SRD5A1: variants seen among roughly 807,000 people sequenced by gnomAD.
SRD5A1 encodes the protein steroid 5 alpha-reductase 1.
In SRD5A1, 22 loss-of-function variants were observed where a neutral mutation model predicts 28.2. The ratio of observed to expected loss-of-function variants is 0.78; its 90% CI spans 0.56 to 1.12. The LOEUF (loss-of-function observed/expected upper bound fraction) is 1.12. SRD5A1 is among the 50% of genes most tolerant of loss of function. The pLI is 0.00. For synonymous variants in SRD5A1, 151 were observed against 135.0 expected (o/e 1.12, Z -0.82); for missense variants, 300 against 346.7 (o/e 0.87, Z 1.07).
intron 2 of SRD5A1, 139 bp downstream of exon 2, chr5:6,652,147 A>G (rs1738696542): frequency 1.0e-6 from 1 of 955,854 alleles, no homozygotes; most frequent in Admixed American, 3.1e-5. Context: ...CCGGAGTCCC[A>G]TGGGAGAGCC....
intron 1 of SRD5A1, among the ~76,000 whole-genome samples, chr5:6,640,191 T>C (rs539021326): frequency 6.6e-6 from 1 of 152,342 alleles, no homozygotes; most frequent in East Asian, 1.9e-4. Context: ...TGTCACCATA[T>C]TCCTGTGAGC....
In SRD5A1 at chr5:6,666,370, G is replaced by C. The variant is rs8192244; in HGVS notation, c.714-1832G>C. Among the ~76,000 whole-genome samples, 8 of 152,252 alleles carry C rather than the reference G, an allele frequency of 5.3e-5. No homozygotes were observed. In the East Asian group the frequency reaches 1.4e-3, roughly 26 times the overall value. On this transcript the variant is annotated intron_variant, in intron 4 of 4. Transcript: ENST00000274192. ...TCACCGTGTCAGCCAGGATGGTCTT[G>C]ATCTCCTGACCTCGTGATTTGCCCG...
chr5:6,670,559 C>T lies in SRD5A1; in HGVS notation c.*2291C>T. ...GCGGTGCATGCATTTGTGCATTCAA[C>T]AACATTTGCCAAGCACTTACTGTAT... On this transcript the variant is annotated 3_prime_UTR_variant, in exon 5 of 5. Coordinates refer to ENST00000274192, the MANE Select transcript of SRD5A1 (RefSeq NM_001047.4). 1 of 152,250 alleles carries T rather than the reference C, an allele frequency of 6.6e-6. No homozygotes were observed. The highest frequency in any genetic ancestry group is 1.9e-4 in the East Asian group (1 of 5,194). 9.4% of individuals were successfully genotyped at this position (152,250 alleles called of 1,614,324 possible).
At position 6,633,532 on chromosome 5, in the gene SRD5A1, C is replaced by A. The variant is rs1738045712; in HGVS notation, c.-45C>A. On this transcript the variant is annotated 5_prime_UTR_variant, in exon 1 of 5. Transcript: ENST00000274192. The stretch of plus-strand genomic sequence containing the variant: ...CCCGCGCCGCCGCCCTATATGTTGC[C>A]CGCCGCGGCCTCTGGGGCATGGAGC... The A allele has an allele frequency of 1.4e-6, 2 of 1,428,182 alleles. No homozygotes were observed. The highest frequency in any genetic ancestry group is 3.0e-5 in the African/African-American group (2 of 66,702). 88.5% of individuals were successfully genotyped at this position (1,428,182 alleles called of 1,614,324 possible).
rs1465916821 is a variant in SRD5A1 at position 6,669,382 on chromosome 5, A to G, written c.*1114A>G. The stretch of plus-strand genomic sequence containing the variant: ...AGCCTGTACCTGTTATCAATATAAA[A>G]TAATCTTCCTGTTGAATGCTTCATG... On this transcript the variant is annotated 3_prime_UTR_variant, in exon 5 of 5. Coordinates refer to ENST00000274192, the MANE Select transcript of SRD5A1 (RefSeq NM_001047.4). 6.6e-6 allele frequency: 1 copy of G among 152,208 alleles called. No homozygotes were observed. The highest frequency in any genetic ancestry group is 1.9e-4 in the East Asian group (1 of 5,194). The allele number at this position is 152,208 out of a possible 1,614,324, so 9.4% of individuals were successfully genotyped here. A position where few individuals can be genotyped will look rare whatever the true frequency, so the allele number is the denominator to read the frequency against.
rs560132978 is a variant in SRD5A1, at chr5:6,663,814, C to T, written c.713+848C>T. Among the ~76,000 whole-genome samples the T allele has an allele frequency of 5.3e-5, 8 of 151,952 alleles. No individual in the cohort carries two copies. In the South Asian group the frequency reaches 6.2e-4, roughly 12 times the overall value. The stretch of plus-strand genomic sequence containing the variant: ...GGTGGAGGCTGCAGTGAGCCGATAT[C>T]GCACCACTGCACTCCAGCCTGGTTG... On this transcript the variant is annotated intron_variant, in intron 4 of 4. Coordinates refer to ENST00000274192, the MANE Select transcript of SRD5A1 (RefSeq NM_001047.4).
At chr5:6,645,075 T>A in intron 1 of SRD5A1, 1 of 446,774 alleles carries the variant, frequency 2.2e-6, no homozygotes, top group Non-Finnish European at 4.5e-6. Context: ...CTGGCCTGAA[T>A]GAGATGAGAA....
rs187859295 is a variant in SRD5A1, at chr5:6,669,247, A to G, written c.*979A>G. On this transcript the variant is annotated 3_prime_UTR_variant, in exon 5 of 5. Coordinates refer to ENST00000274192, the MANE Select transcript of SRD5A1 (RefSeq NM_001047.4). ...TTTGTTCTTTGTTGATTGAAACATA[A>G]TAATTGTTAAAATTCTCTACAGCCT... 2.0e-5 allele frequency: 3 copies of G among 152,366 alleles called. No homozygotes were observed. The East Asian group carries it at 5.8e-4, about 29-fold the overall frequency. 9.4% of individuals were successfully genotyped at this position (152,366 alleles called of 1,614,324 possible). A position where few individuals can be genotyped will look rare whatever the true frequency, so the allele number is the denominator to read the frequency against.
At chr5:6,642,423 A>G (rs1043263304) in intron 1 of SRD5A1, among the ~76,000 whole-genome samples, 2 of 152,014 alleles carry the variant, frequency 1.3e-5, no homozygotes, top group African/African-American at 2.4e-5. Context: ...TTAGATGGCA[A>G]CTCTTCCACT....
intron 3 of SRD5A1, 62 bp from the exon 4 acceptor site, chr5:6,662,754 T>A (rs925129068): frequency 3.8e-6 from 6 of 1,559,552 alleles, no homozygotes; most frequent in Non-Finnish European, 5.3e-6. Flanking sequence ...TTCACTAGCA[T>A]CTCTGAAGTC....
chr5:6,664,695 C>T (rs1739109416), intron 4 of SRD5A1, among the ~76,000 whole-genome samples: 1 of 152,250 alleles, frequency 6.6e-6, no homozygotes, highest in Non-Finnish European at 1.5e-5. Context: ...CGTGAGCCAA[C>T]GTGGCTGGCC....
chr5:6,663,820 A>G (rs1034670190), intron 4 of SRD5A1, among the ~76,000 whole-genome samples: 9 of 152,082 alleles, frequency 5.9e-5, no homozygotes, highest in Non-Finnish European at 1.2e-4. Context: ...ATATCGCACC[A>G]CTGCACTCCA....
intron 1 of SRD5A1, chr5:6,645,348 CTG>C (rs1268485511): frequency 1.0e-5 from 2 of 199,984 alleles, no homozygotes; most frequent in Non-Finnish European, 2.1e-5. Flanking sequence ...CATTTTAAGT[CTG>C]TAATTTGGGC....
At chr5:6,652,802 A>T (rs1738716417) in intron 2 of SRD5A1, among the ~76,000 whole-genome samples, 1 of 148,404 alleles carries the variant, frequency 6.7e-6, no homozygotes. Context: ...TGAGGCCAGG[A>T]GATCAAGGCT....
At chr5:6,650,914 A>G (rs1334778769) in intron 1 of SRD5A1, among the ~76,000 whole-genome samples, 5 of 149,694 alleles carry the variant, frequency 3.3e-5, no homozygotes, top group Non-Finnish European at 7.4e-5. Flanking sequence ...TGTTCTTGTG[A>G]TAGTTTACTG....
chr5:6,647,259 TG>T (rs1738535270), intron 1 of SRD5A1, among the ~76,000 whole-genome samples: 1 of 152,192 alleles, frequency 6.6e-6, no homozygotes, highest in Admixed American at 6.5e-5. Flanking sequence ...TCTGTTGATT[TG>T]GGGTGGAGAG....
intron 4 of SRD5A1, among the ~76,000 whole-genome samples, chr5:6,665,587 A>G (rs1247415307): frequency 2.0e-5 from 3 of 152,162 alleles, no homozygotes; most frequent in Non-Finnish European, 2.9e-5. Context: ...CCTGGGCCTC[A>G]CTTCCCGGTG....
chr5:6,656,200 AT>A (rs751298899), intron 3 of SRD5A1, 21 bp downstream of exon 3: 1 of 1,587,654 alleles, frequency 6.3e-7, no homozygotes, highest in Non-Finnish European at 8.6e-7. Flanking sequence ...AAAGTGAAGA[AT>A]TTCTGTGAAA....
rs1000850972 is a variant in SRD5A1 at position 6,673,614 on chromosome 5, A to G, written c.*5346A>G. Reference sequence around the variant, plus strand: ...CCAAAGGAGTTGAAAACATGTCCACACAGAAAACCTGCACATGAATGTTTA... The same window carrying G: ...CCAAAGGAGTTGAAAACATGTCCACGCAGAAAACCTGCACATGAATGTTTA... On this transcript the variant is annotated 3_prime_UTR_variant, in exon 5 of 5. Transcript: ENST00000274192. 21 of 152,244 alleles carry G rather than the reference A, an allele frequency of 1.4e-4. No homozygotes were observed. Among genetic ancestry groups the G allele is most frequent in the Non-Finnish European group, 2.5e-4 (17 of 68,048 alleles). 9.4% of individuals were successfully genotyped at this position (152,244 alleles called of 1,614,324 possible).
Sources: allele counts gnomAD v4.1 joint callset (sites outside exome capture counted in the v4.1 genomes callset), GRCh38; gene constraint gnomAD v4.1.1; transcripts MANE v1.5; gene names NCBI Gene and HGNC (gene_info 2026-07-23, HGNC 2026-07-21).